The following MME variants were observed in gnomAD, a reference collection of about 807,000 sequenced individuals.
The protein encoded by MME is membrane metalloendopeptidase.
Under a neutral mutation model 113.2 loss-of-function variants are expected in MME, and 98 were observed. That is an observed-to-expected ratio of 0.87 (90% confidence interval 0.74 to 1.02). The LOEUF (loss-of-function observed/expected upper bound fraction) is 1.02, where lower values mean the gene tolerates loss of function less well. MME is among the 50% of genes least tolerant of loss of function. The probability of loss-of-function intolerance (pLI) is 0.00; values close to 1 mark genes in which losing one functional copy is unlikely to be tolerated. For missense variants in MME, 836 were observed against 896.0 expected (o/e 0.93, Z 0.86); for synonymous variants, 292 against 300.6 (o/e 0.97, Z 0.30).
intron 1 of MME, chr3:155,081,617 T>A (rs1424632589): frequency 9.8e-6 from 1 of 101,630 alleles, no homozygotes; most frequent in East Asian, 2.2e-4. Context: ...CAACTTGGTA[T>A]TTTTTTTTTT....
chr3:155,094,603 T>C (rs1716571515), intron 3 of MME, among the ~76,000 whole-genome samples: 1 of 152,250 alleles, frequency 6.6e-6, no homozygotes. Flanking sequence ...ACATTTTACA[T>C]ATTCTCAAAT....
At chr3:155,063,285 A>G (rs1369014030) in intron 1 of MME, among the ~76,000 whole-genome samples, 5 of 114,398 alleles carry the variant, frequency 4.4e-5, no homozygotes, top group Admixed American at 2.2e-4. Flanking sequence ...ATATTATAAT[A>G]TATACATATT....
At chr3:155,101,254 C>T (rs1389534727) in intron 3 of MME, among the ~76,000 whole-genome samples, 1 of 152,208 alleles carries the variant, frequency 6.6e-6, no homozygotes, top group African/African-American at 2.4e-5. Flanking sequence ...TTATAAATTA[C>T]TCAGTCTCAG....
chr3:155,125,283 C>T (rs62277287), intron 8 of MME, among the ~76,000 whole-genome samples: 2 of 83,226 alleles, frequency 2.4e-5, no homozygotes, highest in African/African-American at 6.5e-5. Flanking sequence ...GGCTCACGCA[C>T]GGTGCGTGCA....
intron 8 of MME, among the ~76,000 whole-genome samples, chr3:155,131,597 A>G (rs1437759492): frequency 2.0e-5 from 3 of 152,214 alleles, no homozygotes; most frequent in African/African-American, 7.2e-5. Flanking sequence ...CAAGCATGGA[A>G]TAAACCTTGG....
At chr3:155,115,351 T>C (rs1350187171) in intron 4 of MME, among the ~76,000 whole-genome samples, 196 bp downstream of exon 4, 1 of 152,256 alleles carries the variant, frequency 6.6e-6, no homozygotes. Flanking sequence ...TCTCTTAGCA[T>C]TCCTGCTTTC....
intron 1 of MME, among the ~76,000 whole-genome samples, chr3:155,025,689 C>CTT (rs775452382): frequency 1.5e-3 from 164 of 109,046 alleles, no homozygotes; most frequent in African/African-American, 2.7e-3. Context: ...TTCTTTCTTT[C>CTT]TTTTTTTTTT....
intron 1 of MME, among the ~76,000 whole-genome samples, chr3:155,042,918 A>ATATATATATATATATATATATG (rs1274184517): frequency 1.9e-5 from 1 of 53,632 alleles, no homozygotes; most frequent in Non-Finnish European, 3.3e-5. Context: ...ATATATATAT[A>ATATATATATATATATATATATG]TATATATATA....
chr3:155,031,902 G>A (rs758441992), intron 1 of MME, among the ~76,000 whole-genome samples: 10 of 152,222 alleles, frequency 6.6e-5, no homozygotes, highest in Admixed American at 6.5e-5. Flanking sequence ...CAGATCATCC[G>A]TCCGCTTTGG....
At chr3:155,072,319 C>A (rs1714602314) in intron 1 of MME, among the ~76,000 whole-genome samples, 1 of 152,230 alleles carries the variant, frequency 6.6e-6, no homozygotes, top group African/African-American at 2.4e-5. Context: ...GCACAAAATT[C>A]CACCATGCCA....
Position 155,114,974 on chromosome 3 carries a change from T to C in MME, c.197-20T>C, listed in dbSNP as rs762617814. ...GAAATAAACCCATCATTTTATCTAG[T>C]GTTTTCTCTGCTCTTGCAGCTGCTC... On this transcript the variant is annotated intron_variant, in intron 3 of 22. Coordinates refer to ENST00000360490, the MANE Select transcript of MME (RefSeq NM_007289.4). 10 of 1,613,328 alleles carry C rather than the reference T, an allele frequency of 6.2e-6. No homozygotes were observed. Among genetic ancestry groups the C allele is most frequent in the African/African-American group, 1.3e-5 (1 of 74,894 alleles).
At chr3:155,072,926 G>A (rs1714628958) in intron 1 of MME, among the ~76,000 whole-genome samples, 1 of 152,284 alleles carries the variant, frequency 6.6e-6, no homozygotes, top group Non-Finnish European at 1.5e-5. Context: ...CCTATAAAAT[G>A]TAATGTTTAG....
chr3:155,080,071 C>G (rs555911647), upstream of MME: 98 of 153,030 alleles, frequency 6.4e-4, no homozygotes, highest in Non-Finnish European at 1.1e-3. Context: ...GCTGGGAGCC[C>G]GTGGGACGGG....
intron 8 of MME, among the ~76,000 whole-genome samples, chr3:155,127,749 G>A (rs1719806054): frequency 6.6e-6 from 1 of 152,210 alleles, no homozygotes; most frequent in Non-Finnish European, 1.5e-5. Context: ...TGAGAAATCT[G>A]AGTCTCAGAA....
At chr3:155,130,646 A>G (rs772424360) in intron 8 of MME, among the ~76,000 whole-genome samples, 12 of 152,120 alleles carry the variant, frequency 7.9e-5, no homozygotes, top group Non-Finnish European at 1.8e-4. Flanking sequence ...TCTCCAAATT[A>G]TATGTACCTG....
intron 1 of MME, among the ~76,000 whole-genome samples, chr3:155,059,258 C>CAA (rs11459710): frequency 4.2e-3 from 226 of 54,346 alleles, no homozygotes; most frequent in Middle Eastern, 0.034. Flanking sequence ...AATTCTGTCT[C>CAA]AAAAAAAAAA....
At chr3:155,096,487 G>A (rs376006723) in intron 3 of MME, among the ~76,000 whole-genome samples, 79 of 152,324 alleles carry the variant, frequency 5.2e-4, no homozygotes, top group African/African-American at 1.8e-3. Context: ...AGCAGGAATT[G>A]GATTTTGTAG....
chr3:155,160,249 T>A (rs1437769325), intron 16 of MME, 141 bp from the exon 17 acceptor site: 2 of 698,938 alleles, frequency 2.9e-6, no homozygotes, highest in Non-Finnish European at 5.3e-6. Flanking sequence ...TCTCACCTAG[T>A]GAACTAATTT....
chr3:155,166,874 A>T lies in MME; in HGVS notation c.1661-28A>T. Reference sequence around the variant, plus strand: ...AATTTTAAAAACTTATGCCACAAATAATCTCTAACTATCTTCTCTCCTTGT... The same window carrying T: ...AATTTTAAAAACTTATGCCACAAATTATCTCTAACTATCTTCTCTCCTTGT... On this transcript the variant is annotated intron_variant, in intron 17 of 22. Coordinates refer to ENST00000360490, the MANE Select transcript of MME (RefSeq NM_007289.4). 1.9e-6 allele frequency: 3 copies of T among 1,613,286 alleles called. No individual in the cohort carries two copies. In the South Asian group the frequency reaches 3.3e-5, roughly 18 times the overall value.
Sources: allele counts gnomAD v4.1 joint callset (sites outside exome capture counted in the v4.1 genomes callset), GRCh38; gene constraint gnomAD v4.1.1; transcripts MANE v1.5; gene names NCBI Gene and HGNC (gene_info 2026-07-23, HGNC 2026-07-21).